The following CCDC171 variants were observed in gnomAD, a reference collection of about 807,000 sequenced individuals.
CCDC171 encodes the protein coiled-coil domain containing 171.
A neutral mutation model predicts 168.2 loss-of-function variants in CCDC171; 177 were observed. The observed-to-expected ratio is 1.05, with a 90% CI of 0.93 to 1.19. The LOEUF (loss-of-function observed/expected upper bound fraction) is 1.19, where lower values mean the gene tolerates loss of function less well. CCDC171 is among the 50% of genes most tolerant of loss of function. The pLI is 0.00. For missense variants in CCDC171, 1,991 were observed against 1,539.0 expected, an observed-to-expected ratio of 1.29 and a Z score of -4.91; for synonymous variants, 687 against 540.8, an observed-to-expected ratio of 1.27 and a Z score of -3.75.
chr9:15,574,492 T>A (rs1255057886), intron 3 of CCDC171, among the ~76,000 whole-genome samples: 3 of 152,088 alleles, frequency 2.0e-5, no homozygotes, highest in African/African-American at 7.2e-5. Context: ...TTGGCCAGGC[T>A]GGTCGCGAAC....
At chr9:16,001,280 C>T (rs1455464124) in intron 3 of CCDC171, among the ~76,000 whole-genome samples, 1 of 152,038 alleles carries the variant, frequency 6.6e-6, no homozygotes, top group Non-Finnish European at 1.5e-5. Context: ...AAATGACTTG[C>T]ATTCATTAAA....
chr9:15,878,183 G>A lies in CCDC171; in HGVS notation c.3600+3520G>A, dbSNP rs546275413. On this transcript the variant is annotated intron_variant, in intron 24 of 25. Transcript: ENST00000380701. ...TACAGCAAAAGAAACTATCAACAGA[G>A]TAAACAGACAACCTACAGAATGGGG... 6.6e-5 allele frequency among the ~76,000 whole-genome samples: 10 copies of A among 152,210 alleles called. No homozygotes were observed. The East Asian group carries it at 1.7e-3, about 26-fold the overall frequency.
chr9:15,578,909 T>C lies in CCDC171; in HGVS notation c.238T>C (p.Leu80=), dbSNP rs777837913. ...GTCCGAGGTTGAAAAGGGAGAAGCA[T>C]TGCGACAAAGTCTGGAATATGACCT... The part of the protein sequence containing the change: ...LRSEVEKGEA[L]RQSLEYDLAV... Residue 80 remains leucine, a synonymous_variant, in exon 4 of 26, where the codon TTG becomes CTG. Transcript: ENST00000380701. 7 of 1,613,846 alleles carry C rather than the reference T, an allele frequency of 4.3e-6. No individual in the cohort carries two copies. Among genetic ancestry groups the C allele is most frequent in the Non-Finnish European group, 4.2e-6 (5 of 1,179,880 alleles).
At chr9:15,651,065 T>C (rs1157922573) in intron 7 of CCDC171, among the ~76,000 whole-genome samples, 1 of 152,086 alleles carries the variant, frequency 6.6e-6, no homozygotes. Flanking sequence ...TTCTACTCTC[T>C]ACCTCCTTGA....
the CCDC171 span, among the ~76,000 whole-genome samples, chr9:16,079,982 A>G: frequency 6.6e-6 from 1 of 152,232 alleles, no homozygotes. Flanking sequence ...CTGTGTGATA[A>G]AACCAGAAAC....
chr9:16,084,797 A>G, the CCDC171 span, among the ~76,000 whole-genome samples: 1 of 152,166 alleles, frequency 6.6e-6, no homozygotes, highest in African/African-American at 2.4e-5. Flanking sequence ...AACAGATGGA[A>G]AAACTGAGGT....
chr9:16,048,789 G>A (rs1833702672), intron 1 of CCDC171, among the ~76,000 whole-genome samples: 1 of 152,162 alleles, frequency 6.6e-6, no homozygotes, highest in Non-Finnish European at 1.5e-5. Flanking sequence ...ACCTTAAAGA[G>A]TTATTGTGGG....
chr9:15,807,007 C>G (rs1256769883), intron 21 of CCDC171, among the ~76,000 whole-genome samples: 1 of 152,144 alleles, frequency 6.6e-6, no homozygotes, highest in African/African-American at 2.4e-5. Context: ...GCTTGGTTTA[C>G]TCTGCTGTTA....
upstream of CCDC171, among the ~76,000 whole-genome samples, chr9:16,041,352 G>T (rs1436950709): frequency 6.6e-6 from 1 of 152,162 alleles, no homozygotes; most frequent in Non-Finnish European, 1.5e-5. Flanking sequence ...AAATGAAGGA[G>T]CTTTTAGAAG....
At chr9:15,680,830 T>G (rs963821814) in intron 10 of CCDC171, among the ~76,000 whole-genome samples, 2 of 152,196 alleles carry the variant, frequency 1.3e-5, no homozygotes, top group Non-Finnish European at 2.9e-5. Context: ...TTGGTTCGCT[T>G]GCTTATTAGA....
chr9:15,566,145 G>A (rs1405661435), intron 2 of CCDC171, among the ~76,000 whole-genome samples: 1 of 150,762 alleles, frequency 6.6e-6, no homozygotes, highest in Non-Finnish European at 1.5e-5. Context: ...GGTAATTCAT[G>A]TATCTTCATT....
intron 1 of CCDC171, among the ~76,000 whole-genome samples, chr9:15,560,132 T>TCACCC (rs2039160203): frequency 6.6e-6 from 1 of 152,142 alleles, no homozygotes; most frequent in Admixed American, 6.5e-5. Flanking sequence ...CCTTTGTGGG[T>TCACCC]AACCTGACGT....
At chr9:15,735,186 A>G (rs998779072) in intron 16 of CCDC171, among the ~76,000 whole-genome samples, 16 of 152,338 alleles carry the variant, frequency 1.1e-4, no homozygotes, top group African/African-American at 2.6e-4. Flanking sequence ...TGGTTTTACT[A>G]TCACAGCATG....
intron 21 of CCDC171, among the ~76,000 whole-genome samples, chr9:15,805,726 G>A (rs1432767312): frequency 6.6e-6 from 1 of 152,100 alleles, no homozygotes; most frequent in Non-Finnish European, 1.5e-5. Flanking sequence ...ATATTCTGTT[G>A]TTTTTGGGTG....
In CCDC171 at chr9:15,727,958, C is replaced by T. The variant is rs748265335; in HGVS notation, c.1782C>T (p.Phe594=). 3 of 1,613,256 alleles carry T rather than the reference C, an allele frequency of 1.9e-6. No individual in the cohort carries two copies. Among genetic ancestry groups the T allele is most frequent in the Non-Finnish European group, 1.7e-6 (2 of 1,179,620 alleles). Residue 594 remains phenylalanine (F), a synonymous_variant, in exon 15 of 26, where the codon TTC becomes TTT. Transcript: ENST00000380701. Reference sequence around the variant, plus strand: ...AACCAGAAGGCATGCTGGATAAATTCTCTTGGTCTGAGCTTTGTGCAGTCT... The same window carrying T: ...AACCAGAAGGCATGCTGGATAAATTTTCTTGGTCTGAGCTTTGTGCAGTCT... ...IKQPEGMLDK[F]SWSELCAVLQ...
At chr9:15,842,285 G>T (rs140710366) in intron 21 of CCDC171, among the ~76,000 whole-genome samples, 1 of 152,020 alleles carries the variant, frequency 6.6e-6, no homozygotes, top group East Asian at 1.9e-4. Flanking sequence ...CGGCCTAATG[G>T]TCTAAAGCAC....
At chr9:15,681,910 AG>A in intron 10 of CCDC171, among the ~76,000 whole-genome samples, 1 of 151,988 alleles carries the variant, frequency 6.6e-6, no homozygotes, top group East Asian at 1.9e-4. Context: ...TACATACCCT[AG>A]TGTGTCTTTT....
rs748733304 is a variant in CCDC171 at position 15,745,472 on chromosome 9, A to T, written c.2555-43A>T. ...ACGAATTTTAAATATAGATTTTAAT[A>T]AAGTTTTGTAGAATTTTACAATGGA... On this transcript the variant is annotated intron_variant, in intron 17 of 25. Coordinates refer to ENST00000380701, the MANE Select transcript of CCDC171 (RefSeq NM_173550.4). 2.4e-6 allele frequency: 3 copies of T among 1,241,034 alleles called. No individual in the cohort carries two copies. The East Asian group carries it at 7.6e-5, about 31-fold the overall frequency. 76.9% of individuals were successfully genotyped at this position (1,241,034 alleles called of 1,614,324 possible).
At chr9:15,747,858 C>G (rs6474963) in intron 18 of CCDC171, among the ~76,000 whole-genome samples, 69,897 of 152,020 alleles carry the variant, frequency 0.46, 16,401 homozygotes, top group Non-Finnish European at 0.5. Flanking sequence ...AGGATCACAA[C>G]TCCTCACCAG....
Sources: gnomAD v4.1 joint callset for allele counts (sites outside exome capture counted in the v4.1 genomes callset) on GRCh38, gnomAD v4.1.1 for gene constraint, MANE v1.5 for transcripts, NCBI Gene and HGNC (gene_info 2026-07-23, HGNC 2026-07-21) for gene names.